DCC: variants seen among roughly 807,000 people sequenced by gnomAD.
The protein encoded by DCC is DCC netrin 1 receptor.
A neutral mutation model predicts 172.5 loss-of-function variants in DCC; 58 were observed. That is an observed-to-expected ratio of 0.34 (90% CI 0.27 to 0.42). The LOEUF is 0.42. Ranked by LOEUF, DCC falls within the 10% of genes least tolerant of loss-of-function variation. The pLI, the probability that DCC is intolerant of heterozygous loss-of-function variation, is 1.00. For missense variants in DCC, 1,740 were observed against 1,791.0 expected (o/e 0.97, Z 0.51); for synonymous variants, 709 against 644.5 (o/e 1.10, Z -1.52).
At chr18:52,359,007 T>C (rs1984502948) in intron 1 of DCC, among the ~76,000 whole-genome samples, 2 of 152,234 alleles carry the variant, frequency 1.3e-5, no homozygotes, top group Non-Finnish European at 2.9e-5. Context: ...TGACAACAAT[T>C]CATTTAACTA....
At chr18:52,855,643 C>G (rs2039039845) in intron 2 of DCC, among the ~76,000 whole-genome samples, 1 of 152,070 alleles carries the variant, frequency 6.6e-6, no homozygotes, top group African/African-American at 2.4e-5. Flanking sequence ...TCACTTGTAC[C>G]TTGCACAGTT....
At chr18:53,201,957 G>A (rs1014362055) in intron 9 of DCC, among the ~76,000 whole-genome samples, 2 of 152,150 alleles carry the variant, frequency 1.3e-5, no homozygotes, top group Admixed American at 6.6e-5. Context: ...GGATTGGAAT[G>A]GGATGCATTA....
intron 5 of DCC, among the ~76,000 whole-genome samples, chr18:52,964,037 G>A (rs2040888989): frequency 6.6e-6 from 1 of 152,070 alleles, no homozygotes; most frequent in Non-Finnish European, 1.5e-5. Flanking sequence ...AGACAGCCTT[G>A]TAAATAAATA....
At chr18:52,538,911 A>G (rs980616308) in intron 1 of DCC, among the ~76,000 whole-genome samples, 1 of 152,256 alleles carries the variant, frequency 6.6e-6, no homozygotes, top group Admixed American at 6.5e-5. Flanking sequence ...AAATAAATGA[A>G]TGAGTGAATA....
At chr18:52,427,827 C>CCTTCCTTCCTTTCTTCCTTCCTTTCTTT (rs1987485053) in intron 1 of DCC, among the ~76,000 whole-genome samples, 1 of 85,332 alleles carries the variant, frequency 1.2e-5, no homozygotes, top group African/African-American at 5.0e-5. Flanking sequence ...TTCCTTCCTT[C>CCTTCCTTCCTTTCTTCCTTCCTTTCTTT]CTTCCTTTCT....
intron 26 of DCC, among the ~76,000 whole-genome samples, chr18:53,496,019 AT>A (rs1433842835): frequency 6.6e-6 from 1 of 152,156 alleles, no homozygotes; most frequent in Non-Finnish European, 1.5e-5. Flanking sequence ...AGGGGCAGCT[AT>A]GGGCACAGCT....
At chr18:52,664,346 G>C (rs1009554928) in intron 1 of DCC, among the ~76,000 whole-genome samples, 2 of 151,968 alleles carry the variant, frequency 1.3e-5, no homozygotes, top group East Asian at 3.9e-4. Flanking sequence ...ATCTAAGGAA[G>C]GAAACTTTTG....
At chr18:53,062,731 G>A (rs1458448190) in intron 5 of DCC, among the ~76,000 whole-genome samples, 1 of 152,090 alleles carries the variant, frequency 6.6e-6, no homozygotes, top group Non-Finnish European at 1.5e-5. Context: ...TTATAATACA[G>A]TATAGTAATA....
At chr18:52,470,385 G>A (rs907891206) in intron 1 of DCC, among the ~76,000 whole-genome samples, 3 of 152,100 alleles carry the variant, frequency 2.0e-5, no homozygotes, top group Non-Finnish European at 4.4e-5. Context: ...TTCCCTGCAA[G>A]ACCTAGAATG....
At chr18:53,392,566 C>G (rs192885183) in intron 17 of DCC, among the ~76,000 whole-genome samples, 1 of 152,062 alleles carries the variant, frequency 6.6e-6, no homozygotes, top group Admixed American at 6.5e-5. Flanking sequence ...ATCAACCAGC[C>G]TCAGGGATCA....
chr18:53,310,991 G>GACACACACACACACACACACACACAC (rs5825008), intron 13 of DCC, among the ~76,000 whole-genome samples: 10 of 145,810 alleles, frequency 6.9e-5, no homozygotes, highest in East Asian at 4.1e-4. Flanking sequence ...AAGCATCTAG[G>GACACACACACACACACACACACACAC]ACACACACAC....
intron 12 of DCC, chr18:53,237,056 T>C (rs1282802985): frequency 6.6e-6 from 1 of 152,090 alleles, no homozygotes; most frequent in Non-Finnish European, 1.5e-5. Flanking sequence ...TAACTATTTA[T>C]ATATGTTTAA....
intron 10 of DCC, among the ~76,000 whole-genome samples, chr18:53,206,352 T>TGTA (rs2055637060): frequency 4.6e-5 from 3 of 65,736 alleles, no homozygotes; most frequent in African/African-American, 1.7e-4. Context: ...TATATGTATA[T>TGTA]ATACATATAT....
At chr18:52,394,811 A>C (rs1986157403) in intron 1 of DCC, among the ~76,000 whole-genome samples, 2 of 152,022 alleles carry the variant, frequency 1.3e-5, no homozygotes, top group African/African-American at 4.8e-5. Context: ...TTTTAACCTG[A>C]GGTTTGGGCT....
intron 1 of DCC, among the ~76,000 whole-genome samples, chr18:52,734,967 A>G (rs1219587912): frequency 1.3e-5 from 2 of 152,180 alleles, no homozygotes; most frequent in African/African-American, 2.4e-5. Flanking sequence ...GTAAATTCTT[A>G]TAAGAAAATG....
intron 5 of DCC, among the ~76,000 whole-genome samples, chr18:52,933,477 T>C (rs2145507002): frequency 6.6e-6 from 1 of 150,586 alleles, no homozygotes; most frequent in Non-Finnish European, 1.5e-5. Context: ...TGACAGGAGG[T>C]AGTAAATGTG....
chr18:53,212,190 C>G (rs781452551), intron 11 of DCC, among the ~76,000 whole-genome samples: 18 of 152,174 alleles, frequency 1.2e-4, no homozygotes, highest in Non-Finnish European at 2.6e-4. Context: ...AATACCTCAT[C>G]TCCATGAGTT....
intron 14 of DCC, among the ~76,000 whole-genome samples, chr18:53,324,957 C>T (rs544465544): frequency 8.2e-4 from 124 of 151,930 alleles, no homozygotes; most frequent in African/African-American, 2.5e-3. Context: ...GGTTTTGAGG[C>T]CAAGGCAGGT....
Position 53,288,320 on chromosome 18 carries a change from CTA to C in DCC, c.1912-17256_1912-17255del, listed in dbSNP as rs576465838. Among the ~76,000 whole-genome samples, 14 of 152,216 alleles carry C rather than the reference CTA, an allele frequency of 9.2e-5. No homozygotes were observed. In the East Asian group the frequency reaches 2.7e-3, roughly 29 times the overall value. On this transcript the variant is annotated intron_variant, in intron 12 of 28. Coordinates refer to ENST00000442544, the MANE Select transcript of DCC (RefSeq NM_005215.4). The stretch of plus-strand genomic sequence containing the variant: ...TTACCTAGGAACTTTTTCCTAATAA[CTA>C]TTGTTCTGATGGACAATGGCATATT...
Sources: allele counts gnomAD v4.1 joint callset (sites outside exome capture counted in the v4.1 genomes callset), GRCh38; gene constraint gnomAD v4.1.1; transcripts MANE v1.5; gene names NCBI Gene and HGNC (gene_info 2026-07-23, HGNC 2026-07-21).